Variants in UPRT observed in about 807,000 individuals in gnomAD.
UPRT encodes the protein uracil phosphoribosyltransferase homolog.
UPRT carries 5 observed loss-of-function variants against 22.6 expected under a neutral mutation model. The observed-to-expected ratio is 0.22, with a 90% confidence interval of 0.12 to 0.47. The LOEUF (loss-of-function observed/expected upper bound fraction) is 0.47. Among genes scored for constraint, UPRT ranks in the 20% least tolerant of loss-of-function variants. The pLI is 0.99. For missense variants in UPRT, 181 were observed against 239.9 expected, an observed-to-expected ratio of 0.75 and a Z score of 1.62; for synonymous variants, 77 against 87.7, an observed-to-expected ratio of 0.88 and a Z score of 0.68.
intron 4 of UPRT, among the ~76,000 whole-genome samples, chrX:75,198,116 C>T (rs1444403907): frequency 8.9e-6 from 1 of 112,617 alleles, no homozygotes; most frequent in Non-Finnish European, 1.9e-5. Context: ...GCATAAACTG[C>T]ATAAAAAAAT....
chrX:75,274,366 C>A lies in UPRT; in HGVS notation c.112C>A (p.His38Asn). ...QLRPGDLILD[H>N]AGGNRASRAK... is the part of the protein sequence containing the mutation. ...GCGACCTGGCGATCTGATCCTGGAC[C>A]ACGCAGGGGGAAACAGAGCCTCCAG... The change falls in exon 1 of 7, where the codon CAC becomes AAC. Residue 38 changes from histidine to asparagine, a missense_variant. Physicochemically the swap from His to Asn is moderately conservative, Grantham distance 68. Coordinates refer to ENST00000373383, the MANE Select transcript of UPRT (RefSeq NM_145052.4). 4.1e-6 allele frequency: 5 copies of A among 1,211,622 alleles called. No individual in the cohort carries two copies. The highest frequency in any genetic ancestry group is 5.6e-6 in the Non-Finnish European group (5 of 895,446).
At chrX:75,247,478 C>G (rs1202133998) in intron 4 of UPRT, among the ~76,000 whole-genome samples, 1 of 111,599 alleles carries the variant, frequency 9.0e-6, no homozygotes, top group African/African-American at 3.3e-5. Context: ...GAGCCTTGCT[C>G]ATTGCTAGCA....
intron 4 of UPRT, among the ~76,000 whole-genome samples, chrX:75,299,145 T>G (rs1372707294): frequency 4.4e-5 from 5 of 112,613 alleles, no homozygotes; most frequent in Non-Finnish European, 9.4e-5. Flanking sequence ...TAGCTCTGTG[T>G]TCAGAAATCA....
At chrX:75,199,138 G>T (rs140836574) in intron 4 of UPRT, among the ~76,000 whole-genome samples, 3,195 of 111,737 alleles carry the variant, frequency 0.029, 116 homozygotes, top group African/African-American at 0.099. Flanking sequence ...AAGTCCTAGT[G>T]CTGAGCTAGG....
At chrX:75,219,514 A>G (rs1468922859) in intron 4 of UPRT, among the ~76,000 whole-genome samples, 1 of 111,938 alleles carries the variant, frequency 8.9e-6, no homozygotes, top group Non-Finnish European at 1.9e-5. Context: ...AAACTATGGA[A>G]TGCTTTACTC....
Position 75,274,328 on chromosome X carries a change from G to A in UPRT, c.74G>A (p.Ser25Asn). 8.3e-7 allele frequency: 1 copy of A among 1,211,554 alleles called. No individual in the cohort carries two copies. The highest frequency in any genetic ancestry group is 1.7e-5 in the African/African-American group (1 of 57,760). ...CAAGTAAACTCTGCCTCAACCCCAA[G>A]TCCCGAGCAGCTGCGACCTGGCGAT... ...NQQVNSASTP[S>N]PEQLRPGDLI... Residue 25 changes from serine to asparagine, a missense_variant, in exon 1 of 7, where the codon AGT becomes AAT. Physicochemically the swap from Ser to Asn is conservative, Grantham distance 46. Around this residue, in one of 2 missense-constraint regions of UPRT, gnomAD observed 111 missense variants for 102.8 expected, o/e 1.08. Transcript: ENST00000373383.
chrX:75,218,654 A>T (rs1407818405), intron 4 of UPRT, among the ~76,000 whole-genome samples: 2 of 96,111 alleles, frequency 2.1e-5, no homozygotes, highest in African/African-American at 7.7e-5. Context: ...TCCAACAATG[A>T]TAGACTGGAT....
At chrX:75,264,824 G>A (rs377734305) in intron 4 of UPRT, among the ~76,000 whole-genome samples, 6 of 111,453 alleles carry the variant, frequency 5.4e-5, no homozygotes, top group African/African-American at 2.0e-4. Flanking sequence ...GCAGTGACTA[G>A]TACCTTTCCA....
At chrX:75,300,001 G>A in intron 5 of UPRT, 105 bp downstream of exon 5, 1 of 996,559 alleles carries the variant, frequency 1.0e-6, no homozygotes, top group Non-Finnish European at 1.4e-6. Context: ...GTTTCTAAAT[G>A]TTTTTTTCTC....
chrX:75,193,082 A>G (rs1433670556), intron 4 of UPRT, among the ~76,000 whole-genome samples: 2 of 112,022 alleles, frequency 1.8e-5, no homozygotes, highest in Non-Finnish European at 3.8e-5. Flanking sequence ...GTACTTAAGT[A>G]TGTTTTTGTA....
At chrX:75,200,364 C>T (rs920530123) in intron 4 of UPRT, among the ~76,000 whole-genome samples, 2 of 111,882 alleles carry the variant, frequency 1.8e-5, no homozygotes, top group East Asian at 2.8e-4. Context: ...GAGGCCAAGA[C>T]GAGAGGAGCA....
intron 4 of UPRT, chrX:75,201,771 G>C: frequency 8.6e-6 from 1 of 116,765 alleles, no homozygotes. Context: ...CACTGTGGCT[G>C]CCAGGGCTGC....
intron 4 of UPRT, among the ~76,000 whole-genome samples, chrX:75,214,905 T>C (rs1312667969): frequency 3.6e-5 from 4 of 109,828 alleles, no homozygotes; most frequent in Non-Finnish European, 7.6e-5. Flanking sequence ...AGAGTAAGGC[T>C]TTGTCTCAAA....
At chrX:75,272,297 T>TAC (rs1413928259), upstream of UPRT, among the ~76,000 whole-genome samples, 18 of 17,018 alleles carry the variant, frequency 1.1e-3, no homozygotes, top group Non-Finnish European at 0.02. Flanking sequence ...CACATATATA[T>TAC]GTGTATATAT....
At chrX:75,195,911 A>T in intron 4 of UPRT, among the ~76,000 whole-genome samples, 1 of 112,195 alleles carries the variant, frequency 8.9e-6, no homozygotes, top group Middle Eastern at 4.6e-3. Context: ...CCTTGGAGTG[A>T]TGGAAAAAAC....
chrX:75,294,499 A>G, intron 2 of UPRT: 2 of 848,317 alleles, frequency 2.4e-6, no homozygotes, highest in Non-Finnish European at 1.5e-6. Context: ...CCCCAAAGTT[A>G]TAATCAGATT....
At chrX:75,253,650 C>G (rs937342978) in intron 4 of UPRT, among the ~76,000 whole-genome samples, 2 of 112,057 alleles carry the variant, frequency 1.8e-5, no homozygotes, top group Non-Finnish European at 3.8e-5. Context: ...AGGACCACTA[C>G]AGGAATAAAT....
chrX:75,284,900 G>T (rs944976562), intron 1 of UPRT, among the ~76,000 whole-genome samples: 2 of 111,220 alleles, frequency 1.8e-5, no homozygotes, highest in Non-Finnish European at 3.8e-5. Context: ...ACCAGGGTGA[G>T]TAGGGAAGGA....
chrX:75,262,463 G>T (rs183069947), intron 4 of UPRT, among the ~76,000 whole-genome samples: 1 of 111,725 alleles, frequency 9.0e-6, no homozygotes, highest in Admixed American at 9.6e-5. Context: ...TAGGCTAAAT[G>T]ATCCAAATAA....
Sources: gnomAD v4.1 joint callset for allele counts (sites outside exome capture counted in the v4.1 genomes callset) on GRCh38, gnomAD v4.1.1 for gene constraint, gnomAD v4.1.1 regional missense constraint, MANE v1.5 for transcripts, NCBI Gene and HGNC (gene_info 2026-07-23, HGNC 2026-07-21) for gene names.